BCL6: variants seen among roughly 807,000 people sequenced by gnomAD.
The protein encoded by BCL6 is B-cell lymphoma 6 protein.
A neutral mutation model predicts 59.5 loss-of-function variants in BCL6; 7 were observed. That is an observed-to-expected ratio of 0.12 (90% CI 0.07 to 0.22). The LOEUF (loss-of-function observed/expected upper bound fraction) is 0.22. BCL6 is among the 10% of genes least tolerant of loss of function. BCL6 has a pLI of 1.00. For missense variants in BCL6, 685 were observed against 939.4 expected, an observed-to-expected ratio of 0.73 and a Z score of 3.54; for synonymous variants, 339 against 349.7, an observed-to-expected ratio of 0.97 and a Z score of 0.34.
chr3:187,727,188 G>T (rs1291059062), intron 6 of BCL6, among the ~76,000 whole-genome samples: 1 of 152,214 alleles, frequency 6.6e-6, no homozygotes, highest in Non-Finnish European at 1.5e-5. Context: ...TTTGAGGAAA[G>T]CTCAACAGAG....
Position 187,725,366 on chromosome 3 carries a change from C to G in BCL6, c.1839+133G>C. 6.6e-7 allele frequency: 1 copy of G among 1,510,106 alleles called. No individual in the cohort carries two copies. Among genetic ancestry groups the G allele is most frequent in the South Asian group, 1.3e-5 (1 of 78,120 alleles). 93.5% of individuals were successfully genotyped at this position (1,510,106 alleles called of 1,614,324 possible). A position where few individuals can be genotyped will look rare whatever the true frequency, so the allele number is the denominator to read the frequency against. On this transcript the variant is annotated intron_variant, in intron 8 of 9. Coordinates refer to ENST00000406870, the MANE Select transcript of BCL6 (RefSeq NM_001706.5). This position sits in a 1 kb window ranked among gnomAD's most constrained non-coding sequence, Gnocchi z 4.7. The stretch of plus-strand genomic sequence containing the variant: ...TGAGTGGGACTTTCTCCTGCCCGCT[C>G]TGCTCACCTGCCCGCTCCGCTTGCC...
intron 1 of BCL6, among the ~76,000 whole-genome samples, chr3:187,739,158 T>G (rs1222787645): frequency 6.6e-6 from 1 of 152,216 alleles, no homozygotes; most frequent in Non-Finnish European, 1.5e-5. Flanking sequence ...GTTGGATTAT[T>G]GGTAATCTAA....
intron 4 of BCL6, among the ~76,000 whole-genome samples, chr3:187,730,882 GCTTTCTAA>G (rs1438167222): frequency 6.6e-6 from 1 of 152,228 alleles, no homozygotes; most frequent in East Asian, 1.9e-4. Context: ...AAAAAGAGAA[GCTTTCTAA>G]CTGTCCAAGG....
chr3:187,721,963 T>TAC lies in BCL6; in HGVS notation c.*494_*495insGT, dbSNP rs1718437434. 2 of 181,896 alleles carry TAC rather than the reference T, an allele frequency of 1.1e-5. No individual in the cohort carries two copies. Among genetic ancestry groups the TAC allele is most frequent in the South Asian group, 3.9e-4 (2 of 5,086 alleles). 11.3% of individuals were successfully genotyped at this position (181,896 alleles called of 1,614,324 possible). On this transcript the variant is annotated 3_prime_UTR_variant, in exon 10 of 10. Transcript: ENST00000406870. The surrounding 1 kb of genome is among the most constrained non-coding windows in gnomAD (Gnocchi z 4.2). ...TAGGTTTATATATATTTATTTTATA[T>TAC]ATATATATATTTATATATTTACAAC... is the stretch of plus-strand genomic sequence containing the variant.
At chr3:187,743,894 A>G (rs1711730900) in intron 1 of BCL6, among the ~76,000 whole-genome samples, 1 of 152,130 alleles carries the variant, frequency 6.6e-6, no homozygotes. Flanking sequence ...TTTTTGCAAA[A>G]TCACTCACAA....
intron 1 of BCL6, among the ~76,000 whole-genome samples, chr3:187,745,150 T>G (rs1576886404): frequency 2.6e-5 from 4 of 152,152 alleles, no homozygotes; most frequent in South Asian, 2.1e-4. Context: ...TAACAATCTA[T>G]ATCCTATGGT....
Position 187,722,304 on chromosome 3 carries a change from G to GGCCCCCCCCCCCCCCCCCCCCACCCC in BCL6, c.*153_*154insGGGGTGGGGGGGGGGGGGGGGGGGGC. The GGCCCCCCCCCCCCCCCCCCCCACCCC allele has an allele frequency of 9.7e-6, 3 of 309,310 alleles. No individual in the cohort carries two copies. Among genetic ancestry groups the GGCCCCCCCCCCCCCCCCCCCCACCCC allele is most frequent in the East Asian group, 5.6e-5 (1 of 17,942 alleles). The allele number at this position is 309,310 out of a possible 1,614,324, so 19.2% of individuals were successfully genotyped here. ...GCTGCTGCGGCTCCCAGTCCCCCAG[G>GGCCCCCCCCCCCCCCCCCCCCACCCC]CCCCGACCCCCACCACCCCCAACCC... On this transcript the variant is annotated 3_prime_UTR_variant, in exon 10 of 10. Transcript: ENST00000406870.
intron 7 of BCL6, among the ~76,000 whole-genome samples, chr3:187,726,138 T>C (rs1406553319): frequency 2.0e-5 from 3 of 152,138 alleles, no homozygotes; most frequent in Non-Finnish European, 4.4e-5. Flanking sequence ...TTCTCTCTTT[T>C]AGAACAAACA....
At chr3:187,728,292 G>A (rs887560455) in intron 6 of BCL6, 68 bp downstream of exon 6, 43 of 1,424,312 alleles carry the variant, frequency 3.0e-5, no homozygotes, top group Admixed American at 9.6e-5. Context: ...GTAAAATGGA[G>A]CACAAAACCT....
chr3:187,744,410 A>C (rs1711776307), intron 1 of BCL6, among the ~76,000 whole-genome samples: 1 of 150,760 alleles, frequency 6.6e-6, no homozygotes, highest in Admixed American at 6.6e-5. Flanking sequence ...GACTCCCTCG[A>C]CTACAACCAA....
intron 1 of BCL6, among the ~76,000 whole-genome samples, chr3:187,740,142 A>G (rs1711535253): frequency 6.6e-6 from 1 of 152,164 alleles, no homozygotes; most frequent in South Asian, 2.1e-4. Context: ...CGCGTTTGCC[A>G]TCTTAAGTCA....
rs1718940848 is a variant in BCL6, at chr3:187,729,818, G to C, written c.587C>G (p.Ser196Cys). Residue 196 changes from serine (S) to cysteine (C), a missense_variant, in exon 5 of 10, where the codon TCC becomes TGC. Ser to Cys is a moderately radical substitution (Grantham distance 112). Around this residue, in one of 7 missense-constraint regions of BCL6, gnomAD observed 268 missense variants for 263.8 expected, o/e 1.02. Transcript: ENST00000406870. This position sits in a 1 kb window ranked among gnomAD's most constrained non-coding sequence, Gnocchi z 5.6. ...SGLSTPPASY[S>C]MYSHLPVSSL... Reference sequence around the variant, plus strand: ...GCTGACAGGGAGGTGGCTGTACATGGAATAAGAGGCTGGCGGTGTGGACAG... The same window carrying C: ...GCTGACAGGGAGGTGGCTGTACATGCAATAAGAGGCTGGCGGTGTGGACAG... 6.2e-7 allele frequency: 1 copy of C among 1,614,106 alleles called. No homozygotes were observed. The highest frequency in any genetic ancestry group is 8.5e-7 in the Non-Finnish European group (1 of 1,180,000).
intron 1 of BCL6, among the ~76,000 whole-genome samples, chr3:187,744,417 C>T (rs189536041): frequency 2.0e-5 from 3 of 151,250 alleles, no homozygotes; most frequent in Admixed American, 6.6e-5. Context: ...TCGACTACAA[C>T]CAAGAAAGAA....
intron 1 of BCL6, among the ~76,000 whole-genome samples, chr3:187,744,172 G>T (rs1049817161): frequency 6.6e-6 from 1 of 152,178 alleles, no homozygotes; most frequent in Non-Finnish European, 1.5e-5. Context: ...GCCATTGGGA[G>T]CCAACACAGA....
At position 187,725,190 on chromosome 3, in the gene BCL6, A is replaced by C; in HGVS notation, c.1840-112T>G. 6.7e-7 allele frequency: 1 copy of C among 1,482,114 alleles called. No individual in the cohort carries two copies. Among genetic ancestry groups the C allele is most frequent in the East Asian group, 2.3e-5 (1 of 43,586 alleles). The allele number at this position is 1,482,114 out of a possible 1,614,324, so 91.8% of individuals were successfully genotyped here. A position where few individuals can be genotyped will look rare whatever the true frequency, so the allele number is the denominator to read the frequency against. On this transcript the variant is annotated intron_variant, in intron 8 of 9. Transcript: ENST00000406870. This position sits in a 1 kb window ranked among gnomAD's most constrained non-coding sequence, Gnocchi z 4.7. ...GGCCTTTCTCCAGGCCACTCTGCTCACCTGCACACAGGGACTGAGTGGGCC... is the reference window on the plus strand; with the variant it reads ...GGCCTTTCTCCAGGCCACTCTGCTCCCCTGCACACAGGGACTGAGTGGGCC...
chr3:187,727,016 A>C, intron 6 of BCL6, 118 bp from the exon 7 acceptor site: 1 of 1,144,358 alleles, frequency 8.7e-7, no homozygotes, highest in Non-Finnish European at 1.2e-6. Flanking sequence ...TCCCTCACTC[A>C]CCCACCCGAC....
chr3:187,726,725 C>G lies in BCL6; in HGVS notation c.1708+6G>C. ...AGAGTTCGGGTCGTGTGGGGCAGGGCCATACCGGTATGGACGGTCTTGTGG... is the reference window on the plus strand; with the variant it reads ...AGAGTTCGGGTCGTGTGGGGCAGGGGCATACCGGTATGGACGGTCTTGTGG... On this transcript the variant is annotated splice_donor_region_variant and intron_variant, in intron 7 of 9. Transcript: ENST00000406870. 6.2e-7 allele frequency: 1 copy of G among 1,613,444 alleles called. No individual in the cohort carries two copies. The highest frequency in any genetic ancestry group is 8.5e-7 in the Non-Finnish European group (1 of 1,179,762).
chr3:187,729,306 G>C lies in BCL6; in HGVS notation c.1099C>G (p.Pro367Ala). The change falls in exon 5 of 10, where the codon CCC becomes GCC. Residue 367 changes from proline to alanine, a missense_variant. Pro to Ala is a conservative substitution (Grantham distance 27, BLOSUM62 -1). This residue lies in a region of BCL6 where 28 missense variants were observed against 66.4 expected (regional missense o/e 0.42). Transcript: ENST00000406870. This position sits in a 1 kb window ranked among gnomAD's most constrained non-coding sequence, Gnocchi z 5.6. ...CAGTTGCAGGCTTTGGGGTCAGTGG[G>C]GCTCTTGGCTGGAGGGGAGCCAGAA... ...QASGSPPAKS[P>A]TDPKACNWKK... The C allele has an allele frequency of 6.2e-7, 1 of 1,614,124 alleles. No homozygotes were observed.
chr3:187,723,949 A>G (rs976923028), intron 9 of BCL6, among the ~76,000 whole-genome samples: 1 of 152,246 alleles, frequency 6.6e-6, no homozygotes, highest in African/African-American at 2.4e-5. Flanking sequence ...CAACTCCATG[A>G]AGTAGATACT....
Sources: allele counts gnomAD v4.1 joint callset (sites outside exome capture counted in the v4.1 genomes callset), GRCh38; gene constraint gnomAD v4.1.1; regional missense constraint gnomAD v4.1.1; non-coding constraint Gnocchi (gnomAD v3.1); transcripts MANE v1.5; gene names NCBI Gene and HGNC (gene_info 2026-07-23, HGNC 2026-07-21).